BTBD16: variants seen among roughly 807,000 people sequenced by gnomAD.
BTBD16 encodes BTB domain containing 16, also known as BTB/POZ domain-containing protein 16.
Under a neutral mutation model 67.4 loss-of-function variants are expected in BTBD16, and 66 were observed. The ratio of observed to expected loss-of-function variants is 0.98; its 90% CI spans 0.80 to 1.20. The LOEUF (loss-of-function observed/expected upper bound fraction) is 1.20, where lower values mean the gene tolerates loss of function less well. BTBD16 is among the 50% of genes most tolerant of loss of function. BTBD16 has a pLI of 0.00. For missense variants in BTBD16, 634 were observed against 616.0 expected (o/e 1.03, Z -0.31); for synonymous variants, 242 against 236.4 (o/e 1.02, Z -0.22).
chr10:122,308,504 G>A (rs1299256648), intron 10 of BTBD16, among the ~76,000 whole-genome samples: 1 of 152,080 alleles, frequency 6.6e-6, no homozygotes, highest in African/African-American at 2.4e-5. Context: ...TCATTGCCCC[G>A]ACCTAAGCAG....
intron 10 of BTBD16, among the ~76,000 whole-genome samples, chr10:122,321,427 C>T (rs550519448): frequency 2.6e-5 from 4 of 152,334 alleles, no homozygotes; most frequent in South Asian, 4.1e-4. Context: ...TTTGAGAAAT[C>T]TCCAAACTGC....
In BTBD16 at chr10:122,299,011, A is replaced by C. The variant is rs2096388872; in HGVS notation, c.668A>C (p.Glu223Ala). The C allele has an allele frequency of 1.9e-6, 3 of 1,613,864 alleles. No individual in the cohort carries two copies. The highest frequency in any genetic ancestry group is 2.5e-6 in the Non-Finnish European group (3 of 1,179,984). ...GGCTTTTTTTTGTCTTAGTACAAGG[A>C]AGAGCAGCTCACCACCGGCTGCGAG... The part of the protein sequence containing the change: ...KFYEAGCKYK[E>A]EQLTTGCEKW... Residue 223 changes from glutamate to alanine, a missense_variant, in exon 9 of 16, where the codon GAA becomes GCA. Physicochemically the swap from Glu to Ala is moderately radical, Grantham distance 107. Coordinates refer to ENST00000260723, the MANE Select transcript of BTBD16 (RefSeq NM_144587.5).
At chr10:122,320,999 T>C (rs541263223) in intron 10 of BTBD16, among the ~76,000 whole-genome samples, 20 of 152,188 alleles carry the variant, frequency 1.3e-4, no homozygotes, top group African/African-American at 4.8e-4. Context: ...CCAGCCTTTG[T>C]CTCCCTCCCT....
At chr10:122,333,761 T>A (rs528220430) in intron 13 of BTBD16, among the ~76,000 whole-genome samples, 1 of 139,322 alleles carries the variant, frequency 7.2e-6, no homozygotes, top group Admixed American at 6.9e-5. Flanking sequence ...TGCTTTGTAA[T>A]TTTTTTTTTG....
At chr10:122,306,930 C>T (rs569685339) in intron 9 of BTBD16, among the ~76,000 whole-genome samples, 9 of 152,240 alleles carry the variant, frequency 5.9e-5, no homozygotes, top group African/African-American at 1.2e-4. Context: ...CATTAAATGA[C>T]GATCATTGTT....
intron 10 of BTBD16, among the ~76,000 whole-genome samples, chr10:122,325,033 G>T (rs1232230029): frequency 6.6e-6 from 1 of 152,228 alleles, no homozygotes; most frequent in Non-Finnish European, 1.5e-5. Context: ...TCAGTGAAAA[G>T]CTGATAGGTC....
intron 10 of BTBD16, among the ~76,000 whole-genome samples, chr10:122,315,376 A>G (rs3905303): frequency 0.61 from 93,463 of 152,058 alleles, 30,049 homozygotes; most frequent in East Asian, 0.87. Context: ...GTCAAGCAAT[A>G]TTATCCTCTT....
intron 10 of BTBD16, among the ~76,000 whole-genome samples, chr10:122,324,410 A>G (rs1441029590): frequency 2.0e-5 from 3 of 152,358 alleles, no homozygotes; most frequent in East Asian, 1.9e-4. Context: ...GCAATGTGCT[A>G]TGATGCTGTG....
intron 7 of BTBD16, among the ~76,000 whole-genome samples, chr10:122,296,455 G>A (rs893738911): frequency 1.3e-5 from 2 of 152,122 alleles, no homozygotes; most frequent in African/African-American, 4.8e-5. Flanking sequence ...CCCATGAGCG[G>A]TGTGTATATC....
At chr10:122,291,307 G>T in intron 7 of BTBD16, 113 bp downstream of exon 7, 1 of 1,336,158 alleles carries the variant, frequency 7.5e-7, no homozygotes, top group Non-Finnish European at 9.9e-7. Flanking sequence ...CACCTCAGGT[G>T]TCTTTGTGCC....
intron 7 of BTBD16, chr10:122,295,248 G>A (rs2096381010): frequency 2.1e-6 from 2 of 947,626 alleles, no homozygotes; most frequent in Non-Finnish European, 2.5e-6. Context: ...AGCAATCAGG[G>A]TGACTTCCAA....
chr10:122,331,533 A>G (rs893834290), intron 12 of BTBD16, among the ~76,000 whole-genome samples: 1 of 152,218 alleles, frequency 6.6e-6, no homozygotes, highest in Non-Finnish European at 1.5e-5. Flanking sequence ...CTCTTCCTCC[A>G]GTAATAAATG....
intron 1 of BTBD16, among the ~76,000 whole-genome samples, chr10:122,273,910 A>G (rs1487962068): frequency 6.6e-6 from 1 of 152,240 alleles, no homozygotes; most frequent in Admixed American, 6.5e-5. Flanking sequence ...CCCAAGTGGA[A>G]TGGAAATTCT....
At chr10:122,313,396 C>T (rs2096417816) in intron 10 of BTBD16, among the ~76,000 whole-genome samples, 1 of 151,410 alleles carries the variant, frequency 6.6e-6, no homozygotes, top group Non-Finnish European at 1.5e-5. Context: ...TCCTGAGTAG[C>T]TGGGATTACA....
At chr10:122,284,007 C>A in intron 4 of BTBD16, 83 bp downstream of exon 4, 4 of 1,023,662 alleles carry the variant, frequency 3.9e-6, no homozygotes, top group South Asian at 2.6e-5. Flanking sequence ...GGAGACCAGT[C>A]CATAAACCAG....
intron 9 of BTBD16, among the ~76,000 whole-genome samples, chr10:122,305,206 G>C (rs2096401494): frequency 6.6e-6 from 1 of 152,210 alleles, no homozygotes; most frequent in Non-Finnish European, 1.5e-5. Context: ...GGTTGTACAT[G>C]AGTAAATTGC....
rs202143948 is a variant in BTBD16, at chr10:122,286,106, T to C, written c.243T>C (p.Asp81=). ...CTCAGCATCATTTTCTGTCCTCAGA[T>C]GTGATTCTCGAGTGCCTGGGCTTCA... ...KNKDIQSGEA[D]VILECLGFKW... The change falls in exon 5 of 16, where the codon GAT becomes GAC. Residue 81 remains aspartate, a splice_region_variant and synonymous_variant. Coordinates refer to ENST00000260723, the MANE Select transcript of BTBD16 (RefSeq NM_144587.5). 98 of 1,612,866 alleles carry C rather than the reference T, an allele frequency of 6.1e-5. No homozygotes were observed. The highest frequency in any genetic ancestry group is 8.0e-5 in the Non-Finnish European group (94 of 1,179,244).
chr10:122,277,156 AT>A (rs34246262), intron 3 of BTBD16, among the ~76,000 whole-genome samples: 36,403 of 134,240 alleles, frequency 0.27, 4,821 homozygotes, highest in East Asian at 0.47. Context: ...GAAAGATTGA[AT>A]TTTTTTTTTT....
chr10:122,300,790 G>A (rs1300398072), intron 9 of BTBD16, among the ~76,000 whole-genome samples: 6 of 152,080 alleles, frequency 3.9e-5, no homozygotes, highest in Non-Finnish European at 7.4e-5. Flanking sequence ...TTACCTCTGA[G>A]TAAATTTCAA....
Sources: allele counts gnomAD v4.1 joint callset (sites outside exome capture counted in the v4.1 genomes callset), GRCh38; gene constraint gnomAD v4.1.1; transcripts MANE v1.5; gene names NCBI Gene and HGNC (gene_info 2026-07-23, HGNC 2026-07-21).